Variants in PTPN18 observed in about 807,000 individuals in gnomAD.
PTPN18 encodes protein tyrosine phosphatase non-receptor type 18.
PTPN18 carries 65 observed loss-of-function variants against 65.4 expected under a neutral mutation model. That is an observed-to-expected ratio of 0.99 (90% CI 0.81 to 1.22). The LOEUF (loss-of-function observed/expected upper bound fraction) is 1.22, where lower values mean the gene tolerates loss of function less well. Ranked by LOEUF, PTPN18 falls within the 50% of genes most tolerant of loss-of-function variation. The pLI, the probability that PTPN18 is intolerant of heterozygous loss-of-function variation, is 0.00. For missense variants in PTPN18, 616 were observed against 646.5 expected (o/e 0.95, Z 0.51); for synonymous variants, 255 against 267.8 (o/e 0.95, Z 0.47).
In PTPN18 at chr2:130,358,942, G is replaced by A. The variant is rs368868085; in HGVS notation, c.169G>A (p.Val57Met). The change falls in exon 2 of 15, where the codon GTG becomes ATG. Residue 57 changes from valine (V) to methionine (M), a missense_variant. This residue lies in a region of PTPN18 where 223 missense variants were observed against 210.0 expected (regional missense o/e 1.06). Transcript: ENST00000175756. ...CGTGGCCGGCAGTCGGCCAGAGAAC[G>A]TGAGGAAGAACCGCTACAAAGACGT... ...STVAGSRPEN[V>M]RKNRYKDVLP... 8 of 1,614,184 alleles carry A rather than the reference G, an allele frequency of 5.0e-6. No individual in the cohort carries two copies. The highest frequency in any genetic ancestry group is 1.6e-4 in the Middle Eastern group (1 of 6,062).
In PTPN18 at chr2:130,371,240, TC is replaced by T; in HGVS notation, c.970del (p.Gln324ArgfsTer69). On this transcript the variant is annotated frameshift_variant, in exon 12 of 15. Transcript: ENST00000175756. LOFTEE classifies it high-confidence loss of function. ...ACGACGATGCCCTCTTCCTCCGGACTCCCCAGGCACTTCTCGCCATACCCCG... is the reference window on the plus strand; with the variant it reads ...ACGACGATGCCCTCTTCCTCCGGACTCCCAGGCACTTCTCGCCATACCCCG... ...LYDDALFLRTPQALLAIPRPP... is the reference protein window; with the variant it reads ...LYDDALFLRTXQALLAIPRPP... 1 of 1,610,790 alleles carries T rather than the reference TC, an allele frequency of 6.2e-7. No homozygotes were observed.
chr2:130,372,737 G>A, intron 13 of PTPN18, 136 bp from the exon 14 acceptor site: 2 of 1,109,666 alleles, frequency 1.8e-6, no homozygotes, highest in Non-Finnish European at 2.6e-6. Context: ...GGCCACGTCC[G>A]GGGTGTGTGC....
At position 130,370,578 on chromosome 2, in the gene PTPN18, C is replaced by G; in HGVS notation, c.711C>G (p.Gly237=). ...TCAGTGCGGGTTGTGGGCGAACAGG[C>G]GTCCTGTGCACCGTGGATTATGTGA... ...VHCSAGCGRT[G]VLCTVDYVRQ... Residue 237 remains glycine (G), a synonymous_variant, in exon 9 of 15, where the codon GGC becomes GGG. Transcript: ENST00000175756. 6.2e-7 allele frequency: 1 copy of G among 1,614,104 alleles called. No individual in the cohort carries two copies.
chr2:130,361,458 T>C (rs1680187629), intron 5 of PTPN18, among the ~76,000 whole-genome samples: 1 of 152,126 alleles, frequency 6.6e-6, no homozygotes, highest in Non-Finnish European at 1.5e-5. Context: ...TAATATTTTT[T>C]TCTGAAGTGT....
chr2:130,372,303 T>C lies in PTPN18; in HGVS notation c.1060T>C (p.Tyr354His). ...CCCGGGCCACGCCATGGCTGACACC[T>C]ACGCGGTGGTGCAGAAGCGCGGGGC... ...GSPGHAMADT[Y>H]AVVQKRGAPA... Residue 354 changes from tyrosine (Y) to histidine (H), a missense_variant, in exon 13 of 15, where the codon TAC becomes CAC. Physicochemically the swap from Tyr to His is moderately conservative, Grantham distance 83. Coordinates refer to ENST00000175756, the MANE Select transcript of PTPN18 (RefSeq NM_014369.4). The C allele has an allele frequency of 6.5e-7, 1 of 1,541,888 alleles. No individual in the cohort carries two copies. The highest frequency in any genetic ancestry group is 8.7e-7 in the Non-Finnish European group (1 of 1,155,542).
chr2:130,372,362 G>A lies in PTPN18; in HGVS notation c.1119G>A (p.Gly373=). The change falls in exon 13 of 15, where the codon GGG becomes GGA. Residue 373 remains glycine (G), a synonymous_variant. Coordinates refer to ENST00000175756, the MANE Select transcript of PTPN18 (RefSeq NM_014369.4). ...GCGCCGGGAGTGGGACGCAGACGGG[G>A]ACGGGGACGGGGACGGGGGCGCGCA... is the stretch of plus-strand genomic sequence containing the variant. ...PAGAGSGTQT[G]TGTGTGARSA... is the part of the protein sequence containing the mutation. The A allele has an allele frequency of 7.8e-7, 1 of 1,287,582 alleles. No homozygotes were observed. Among genetic ancestry groups the A allele is most frequent in the Non-Finnish European group, 9.6e-7 (1 of 1,036,460 alleles). 79.8% of individuals were successfully genotyped at this position (1,287,582 alleles called of 1,614,324 possible).
Position 130,359,283 on chromosome 2 carries a change from G to C in PTPN18, c.253G>C (p.Asp85His), listed in dbSNP as rs377115203. The change falls in exon 3 of 15, where the codon GAC (aspartate) becomes CAC (histidine). Residue 85 changes from aspartate (D) to histidine (H), a missense_variant. Asp to His is a moderately conservative substitution (Grantham distance 81). Around this residue, in one of 3 missense-constraint regions of PTPN18, gnomAD observed 223 missense variants for 210.0 expected, o/e 1.06. Transcript: ENST00000175756. ...LSLLQEEGHS[D>H]YINGNFIRGV... ...CCTGCTCCAGGAAGAGGGACACAGCGACTACATTAATGGCAACTTCATCCG... is the reference window on the plus strand; with the variant it reads ...CCTGCTCCAGGAAGAGGGACACAGCCACTACATTAATGGCAACTTCATCCG... 1.8e-5 allele frequency: 29 copies of C among 1,614,056 alleles called. No homozygotes were observed. In the African/African-American group the frequency reaches 3.7e-4, roughly 21 times the overall value.
intron 5 of PTPN18, among the ~76,000 whole-genome samples, chr2:130,366,581 G>A (rs560188248): frequency 1.3e-5 from 2 of 152,188 alleles, no homozygotes; most frequent in African/African-American, 2.4e-5. Flanking sequence ...GATGTCTTTG[G>A]TTTTGGTGCC....
intron 5 of PTPN18, among the ~76,000 whole-genome samples, chr2:130,368,578 A>C (rs1680458615): frequency 6.6e-6 from 1 of 152,210 alleles, no homozygotes; most frequent in Non-Finnish European, 1.5e-5. Flanking sequence ...GCCTGGCCTC[A>C]TGGGGTTTCA....
chr2:130,367,300 T>G (rs1472994839), intron 5 of PTPN18, among the ~76,000 whole-genome samples: 1 of 152,158 alleles, frequency 6.6e-6, no homozygotes, highest in Non-Finnish European at 1.5e-5. Context: ...GACTTGCCGT[T>G]TCTGACAAAA....
In PTPN18 at chr2:130,358,992, G is replaced by C. The variant is rs1254090907; in HGVS notation, c.202+17G>C. The C allele has an allele frequency of 6.2e-7, 1 of 1,612,458 alleles. No homozygotes were observed. The highest frequency in any genetic ancestry group is 1.7e-5 in the Admixed American group (1 of 59,962). ...TGCTGCCTTGTAAGTCGGGGCTTCC[G>C]TAGGGAGTCGGTGCAGCCTTGCACG... On this transcript the variant is annotated intron_variant, in intron 2 of 14. Coordinates refer to ENST00000175756, the MANE Select transcript of PTPN18 (RefSeq NM_014369.4).
intron 5 of PTPN18, among the ~76,000 whole-genome samples, chr2:130,361,519 T>C (rs1553458525): frequency 1.9e-5 from 1 of 51,634 alleles, no homozygotes; most frequent in East Asian, 6.0e-4. Flanking sequence ...TTTCTCTTTC[T>C]TTCTTTCTTT....
In PTPN18 at chr2:130,356,658, G is replaced by A. The variant is rs1276977312; in HGVS notation, c.93+458G>A. On this transcript the variant is annotated intron_variant, in intron 1 of 14. Coordinates refer to ENST00000175756, the MANE Select transcript of PTPN18 (RefSeq NM_014369.4). ...ACGGAGGCTGTGGCGTGGTGAGGGT[G>A]TGAACGCCGGGCTCGAATCCGCGTC... 7 of 466,764 alleles carry A rather than the reference G, an allele frequency of 1.5e-5. No homozygotes were observed. The East Asian group carries it at 4.2e-4, about 28-fold the overall frequency. 28.9% of individuals were successfully genotyped at this position (466,764 alleles called of 1,614,324 possible).
rs1680706806 is a variant in PTPN18 at position 130,375,111 on chromosome 2, CA to C, written c.*1889del. The C allele has an allele frequency of 5.4e-6, 1 of 184,634 alleles. No individual in the cohort carries two copies. The allele number at this position is 184,634 out of a possible 1,614,324, so 11.4% of individuals were successfully genotyped here. A position where few individuals can be genotyped will look rare whatever the true frequency, so the allele number is the denominator to read the frequency against. On this transcript the variant is annotated 3_prime_UTR_variant, in exon 15 of 15. Transcript: ENST00000175756. ...GACCCTGTGCTGCCTCCCACTCTCC[CA>C]ATGCCCCTGCCACTCCTGTGAGCCT...
chr2:130,374,719 C>T lies in PTPN18; in HGVS notation c.*1495C>T. 1 of 470,706 alleles carries T rather than the reference C, an allele frequency of 2.1e-6. No homozygotes were observed. The highest frequency in any genetic ancestry group is 4.4e-6 in the Non-Finnish European group (1 of 227,074). The allele number at this position is 470,706 out of a possible 1,614,324, so 29.2% of individuals were successfully genotyped here. ...CTGCCCAGGTCCCTGTATGCACTGC[C>T]ACAGTGCCCTGGGCCCCATGTCCAC... is the stretch of plus-strand genomic sequence containing the variant. On this transcript the variant is annotated 3_prime_UTR_variant, in exon 15 of 15. Transcript: ENST00000175756.
chr2:130,372,711 G>T, intron 13 of PTPN18, 162 bp from the exon 14 acceptor site: 1 of 992,732 alleles, frequency 1.0e-6, no homozygotes. Flanking sequence ...TGTCTTGGCC[G>T]CGCCCAAAGG....
intron 5 of PTPN18, among the ~76,000 whole-genome samples, chr2:130,361,520 TTCTTTCTTTC>T (rs1427728116): frequency 1.9e-5 from 1 of 51,538 alleles, no homozygotes; most frequent in African/African-American, 6.4e-5. Context: ...TTCTCTTTCT[TTCTTTCTTTC>T]TTTCTTTCTT....
chr2:130,356,141 C>T lies in PTPN18; in HGVS notation c.34C>T (p.Leu12=). The part of the protein sequence containing the change: ...SRSLDSARSF[L]ERLEARGGRE... ...CAGCCTGGACTCGGCGCGGAGCTTC[C>T]TGGAGCGGCTGGAAGCGCGGGGCGG... Residue 12 remains leucine (L), a synonymous_variant, in exon 1 of 15, where the codon CTG becomes TTG. Coordinates refer to ENST00000175756, the MANE Select transcript of PTPN18 (RefSeq NM_014369.4). 3 of 1,314,580 alleles carry T rather than the reference C, an allele frequency of 2.3e-6. No homozygotes were observed. Among genetic ancestry groups the T allele is most frequent in the Non-Finnish European group, 2.9e-6 (3 of 1,035,870 alleles). 81.4% of individuals were successfully genotyped at this position (1,314,580 alleles called of 1,614,324 possible).
rs186867200 is a variant in PTPN18, at chr2:130,365,822, A to G, written c.415-3311A>G. 7.6e-4 allele frequency among the ~76,000 whole-genome samples: 116 copies of G among 152,354 alleles called. 1 individual carries two copies. The highest frequency in any genetic ancestry group is 3.4e-3 in the Middle Eastern group (1 of 294). ...TGTTCCAGCACCATTTGTTGAAAAGACTATGCTTTGCCCATTGAACCGTCT... is the reference window on the plus strand; with the variant it reads ...TGTTCCAGCACCATTTGTTGAAAAGGCTATGCTTTGCCCATTGAACCGTCT... On this transcript the variant is annotated intron_variant, in intron 5 of 14. Transcript: ENST00000175756.
Sources: gnomAD v4.1 joint callset for allele counts (sites outside exome capture counted in the v4.1 genomes callset) on GRCh38, gnomAD v4.1.1 for gene constraint, gnomAD v4.1.1 regional missense constraint, MANE v1.5 for transcripts, NCBI Gene and HGNC (gene_info 2026-07-23, HGNC 2026-07-21) for gene names.